The following TNPO1 variants were observed in gnomAD, a reference collection of about 807,000 sequenced individuals.
The protein encoded by TNPO1 is transportin-1.
A neutral mutation model predicts 119.5 loss-of-function variants in TNPO1; 8 were observed. That is an observed-to-expected ratio of 0.07 (90% confidence interval 0.04 to 0.12). The LOEUF is 0.12. Ranked by LOEUF, TNPO1 falls within the 10% of genes least tolerant of loss-of-function variation. TNPO1 has a pLI of 1.00. For synonymous variants in TNPO1, 362 were observed against 363.0 expected (o/e 1.00, Z 0.03); for missense variants, 576 against 1,089.8 (o/e 0.53, Z 6.64).
intron 1 of TNPO1, 97 bp downstream of exon 1, chr5:72,816,849 GC>G: frequency 2.1e-6 from 3 of 1,406,744 alleles, no homozygotes; most frequent in Non-Finnish European, 2.9e-6. Context: ...GAGACGCCGG[GC>G]TCGCCCGCTC....
At chr5:72,848,665 C>T (rs1339574375) in intron 2 of TNPO1, among the ~76,000 whole-genome samples, 167 bp downstream of exon 2, 18 of 148,812 alleles carry the variant, frequency 1.2e-4, no homozygotes, top group Non-Finnish European at 2.4e-4. Flanking sequence ...CTGCCCCTGC[C>T]GGGCGACTCG....
intron 4 of TNPO1, among the ~76,000 whole-genome samples, chr5:72,856,910 G>T (rs1159564680): frequency 6.6e-6 from 1 of 152,180 alleles, no homozygotes; most frequent in Non-Finnish European, 1.5e-5. Context: ...GTACTAATGG[G>T]CAGCCTTTAG....
At chr5:72,868,457 A>AC (rs1221424513) in intron 6 of TNPO1, among the ~76,000 whole-genome samples, 3,315 of 145,804 alleles carry the variant, frequency 0.023, 333 homozygotes, top group Non-Finnish European at 0.038. Context: ...AAAAAAAAAA[A>AC]AACACAAAAT....
intron 1 of TNPO1, among the ~76,000 whole-genome samples, chr5:72,817,424 G>A (rs1233171236): frequency 6.6e-6 from 1 of 152,232 alleles, no homozygotes; most frequent in African/African-American, 2.4e-5. Flanking sequence ...CTGAGGAGCA[G>A]ATTGGCCACC....
At chr5:72,867,340 C>A (rs1200163161) in intron 6 of TNPO1, among the ~76,000 whole-genome samples, 1 of 151,966 alleles carries the variant, frequency 6.6e-6, no homozygotes, top group East Asian at 1.9e-4. Flanking sequence ...TTATTTAATA[C>A]CTTATTAATG....
chr5:72,896,436 A>G (rs942710585), intron 18 of TNPO1, 22 bp from the exon 19 acceptor site: 3 of 1,577,408 alleles, frequency 1.9e-6, no homozygotes, highest in African/African-American at 1.4e-5. Context: ...AGTTTACTAC[A>G]TAGTTTAAAT....
intron 1 of TNPO1, among the ~76,000 whole-genome samples, chr5:72,826,380 C>T (rs529777810): frequency 2.6e-5 from 4 of 152,074 alleles, no homozygotes; most frequent in Non-Finnish European, 5.9e-5. Flanking sequence ...GCAAAAAATA[C>T]GTGACATATA....
At chr5:72,878,211 C>T (rs1325829506) in intron 9 of TNPO1, among the ~76,000 whole-genome samples, 2 of 151,744 alleles carry the variant, frequency 1.3e-5, no homozygotes, top group East Asian at 3.9e-4. Context: ...GCTTTTTTTC[C>T]CCTCATAAAT....
At chr5:72,901,777 C>T (rs1426300219) in intron 22 of TNPO1, among the ~76,000 whole-genome samples, 5 of 152,074 alleles carry the variant, frequency 3.3e-5, no homozygotes, top group South Asian at 2.1e-4. Flanking sequence ...GAAAAGAAAG[C>T]GTGGAAGGAA....
intron 6 of TNPO1, among the ~76,000 whole-genome samples, chr5:72,866,585 C>T (rs1735319149): frequency 6.6e-6 from 1 of 151,974 alleles, no homozygotes; most frequent in African/African-American, 2.4e-5. Context: ...GAGACCCCAT[C>T]TGTACAAAAA....
At chr5:72,860,574 C>G (rs1746363736) in intron 4 of TNPO1, among the ~76,000 whole-genome samples, 1 of 152,234 alleles carries the variant, frequency 6.6e-6, no homozygotes, top group Non-Finnish European at 1.5e-5. Flanking sequence ...ACAACATGAT[C>G]AGTGAGCATG....
At chr5:72,890,076 C>G (rs1748937312) in intron 14 of TNPO1, 119 bp downstream of exon 14, 1 of 1,102,986 alleles carries the variant, frequency 9.1e-7, no homozygotes, top group East Asian at 2.6e-5. Flanking sequence ...GCGTTAGCTA[C>G]TTTAAGAGTA....
At chr5:72,859,425 A>C (rs985476189) in intron 4 of TNPO1, among the ~76,000 whole-genome samples, 1 of 152,212 alleles carries the variant, frequency 6.6e-6, no homozygotes, top group Non-Finnish European at 1.5e-5. Flanking sequence ...GGAAAGGACC[A>C]TGTGTTATTT....
intron 3 of TNPO1, among the ~76,000 whole-genome samples, chr5:72,853,598 C>T (rs12187110): frequency 0.17 from 25,993 of 151,624 alleles, 2,421 homozygotes; most frequent in African/African-American, 0.23. Context: ...TATGCAGTTT[C>T]TCTGAGGATG....
chr5:72,895,474 G>GGA (rs777544830), intron 18 of TNPO1, among the ~76,000 whole-genome samples: 5 of 152,066 alleles, frequency 3.3e-5, no homozygotes, highest in Non-Finnish European at 7.4e-5. Flanking sequence ...GTTTGATGCT[G>GGA]GAGAGGTGCC....
chr5:72,896,544 T>G lies in TNPO1; in HGVS notation c.2230T>G (p.Ser744Ala). 6.2e-7 allele frequency: 1 copy of G among 1,611,232 alleles called. No homozygotes were observed. ...NNATWAIGEISIQMGIEMQPY... is the reference protein window; with the variant it reads ...NNATWAIGEIAIQMGIEMQPY... ...TGCCACATGGGCAATTGGAGAAATC[T>G]CCATTCAAATGGGTAAGATGTTTTT... Residue 744 changes from serine to alanine, a missense_variant, in exon 19 of 25, where the codon TCC (serine) becomes GCC (alanine). By Grantham distance (99) the Ser-to-Ala change is moderately conservative. Transcript: ENST00000337273.
At chr5:72,855,608 A>G (rs186577197) in intron 3 of TNPO1, among the ~76,000 whole-genome samples, 166 bp from the exon 4 acceptor site, 69 of 152,314 alleles carry the variant, frequency 4.5e-4, no homozygotes, top group African/African-American at 1.3e-3. Flanking sequence ...ACCCTGAGCT[A>G]TAAATGATAG....
intron 1 of TNPO1, among the ~76,000 whole-genome samples, chr5:72,833,158 C>T (rs1004496765): frequency 3.9e-5 from 6 of 151,934 alleles, no homozygotes; most frequent in African/African-American, 9.7e-5. Flanking sequence ...TGAGTTATTC[C>T]CCCTCTTGAA....
chr5:72,893,302 T>C, intron 16 of TNPO1, 56 bp downstream of exon 16: 2 of 1,605,336 alleles, frequency 1.2e-6, no homozygotes, highest in Non-Finnish European at 1.7e-6. Flanking sequence ...TTTCTAAAGA[T>C]AGGTATAATG....
Sources: gnomAD v4.1 joint callset for allele counts (sites outside exome capture counted in the v4.1 genomes callset) on GRCh38, gnomAD v4.1.1 for gene constraint, MANE v1.5 for transcripts, NCBI Gene and HGNC (gene_info 2026-07-23, HGNC 2026-07-21) for gene names.